ELOVL6: variants seen among roughly 807,000 people sequenced by gnomAD.
ELOVL6 encodes very long chain fatty acid elongase 6.
ELOVL6 carries 8 observed loss-of-function variants against 31.7 expected under a neutral mutation model. That is an observed-to-expected ratio of 0.25 (90% CI 0.15 to 0.45). The LOEUF (loss-of-function observed/expected upper bound fraction) is 0.45, where lower values mean the gene tolerates loss of function less well. Ranked by LOEUF, ELOVL6 falls within the 20% of genes least tolerant of loss-of-function variation. The probability of loss-of-function intolerance (pLI) is 1.00; values close to 1 mark genes in which losing one functional copy is unlikely to be tolerated. For synonymous variants in ELOVL6, 101 were observed against 117.7 expected, an observed-to-expected ratio of 0.86 and a Z score of 0.92; for missense variants, 126 against 326.4, an observed-to-expected ratio of 0.39 and a Z score of 4.73.
intron 2 of ELOVL6, among the ~76,000 whole-genome samples, chr4:110,084,556 A>ATATATT (rs1208053354): frequency 6.2e-4 from 42 of 67,438 alleles, no homozygotes; most frequent in East Asian, 1.1e-3. Flanking sequence ...ACACACACAC[A>ATATATT]CACACAGATA....
intron 1 of ELOVL6, among the ~76,000 whole-genome samples, chr4:110,174,169 T>A (rs1759033436): frequency 6.6e-6 from 1 of 150,872 alleles, no homozygotes; most frequent in Non-Finnish European, 1.5e-5. Flanking sequence ...ACAGTCTTTT[T>A]TTTTTTTTTT....
Position 110,049,532 on chromosome 4 carries a change from C to A in ELOVL6, c.*1806G>T, listed in dbSNP as rs558476235. The A allele has an allele frequency of 6.6e-6, 1 of 152,320 alleles. No homozygotes were observed. 9.4% of individuals were successfully genotyped at this position (152,320 alleles called of 1,614,324 possible). On this transcript the variant is annotated 3_prime_UTR_variant, in exon 4 of 4. Transcript: ENST00000302274. ...AAGCTAAAATAATATAAAAATAATT[C>A]GAAAAAATCCCTTTTACTGTACACT... is the stretch of plus-strand genomic sequence containing the variant.
rs537742853 is a variant in ELOVL6 at position 110,178,804 on chromosome 4, G to T, written c.89+19443C>A. ...GAAGACTGAGGCTGCAGCAGCCTCGGTGACAGAGAGAGACTCTGTCCTAAA... is the reference window on the plus strand; with the variant it reads ...GAAGACTGAGGCTGCAGCAGCCTCGTTGACAGAGAGAGACTCTGTCCTAAA... On this transcript the variant is annotated intron_variant, in intron 1 of 3. Transcript: ENST00000302274. 1.7e-3 allele frequency among the ~76,000 whole-genome samples: 259 copies of T among 152,142 alleles called. 2 individuals are homozygous for T. The highest frequency in any genetic ancestry group is 2.5e-3 in the Non-Finnish European group (173 of 68,022).
intron 2 of ELOVL6, among the ~76,000 whole-genome samples, chr4:110,094,224 G>A (rs1756500220): frequency 6.7e-6 from 1 of 148,400 alleles, no homozygotes; most frequent in South Asian, 2.1e-4. Context: ...ACTCCAGCCT[G>A]GGCAATAGAG....
chr4:110,113,534 C>G (rs1458609073), intron 1 of ELOVL6, among the ~76,000 whole-genome samples: 8 of 147,462 alleles, frequency 5.4e-5, no homozygotes, highest in African/African-American at 2.0e-4. Context: ...AGCATGATTG[C>G]CCCATGCACT....
chr4:110,063,547 G>A (rs1420503061), intron 2 of ELOVL6, among the ~76,000 whole-genome samples: 1 of 152,146 alleles, frequency 6.6e-6, no homozygotes, highest in South Asian at 2.1e-4. Flanking sequence ...GATGTGAAAT[G>A]AGCACTTTCC....
At position 110,084,193 on chromosome 4, in the gene ELOVL6, CTT is replaced by C. The variant is rs1491243340; in HGVS notation, c.221+21302_221+21303del. Among the ~76,000 whole-genome samples, 3 of 42,874 alleles carry C rather than the reference CTT, an allele frequency of 7.0e-5. 1 individual carries two copies. The highest frequency in any genetic ancestry group is 7.0e-4 in the Admixed American group (2 of 2,876). The allele number at this position is 42,874 out of a possible 152,430, so 28.1% of individuals were successfully genotyped here. On this transcript the variant is annotated intron_variant, in intron 2 of 3. Coordinates refer to ENST00000302274, the MANE Select transcript of ELOVL6 (RefSeq NM_024090.3). ...TATATATGATATATATAACATATAA[CTT>C]ATATGATATATATAACATATAACTT...
chr4:110,197,633 A>T (rs1410911767), intron 1 of ELOVL6, among the ~76,000 whole-genome samples: 1 of 151,860 alleles, frequency 6.6e-6, no homozygotes, highest in Non-Finnish European at 1.5e-5. Context: ...TCTCTATGAA[A>T]CCGGAAAGGG....
At chr4:110,114,789 A>G (rs1388858628) in intron 1 of ELOVL6, among the ~76,000 whole-genome samples, 5 of 152,230 alleles carry the variant, frequency 3.3e-5, no homozygotes, top group Admixed American at 1.3e-4. Context: ...ACAATTATTC[A>G]CAATGCATTG....
chr4:110,139,032 T>TTAAAAGTTCTTATCTTGC (rs1757881179), intron 1 of ELOVL6, among the ~76,000 whole-genome samples: 1 of 152,150 alleles, frequency 6.6e-6, no homozygotes, highest in Non-Finnish European at 1.5e-5. Flanking sequence ...TAAAGGGATA[T>TTAAAAGTTCTTATCTTGC]TAAAAGTTCT....
At chr4:110,184,166 T>C (rs1356563885) in intron 1 of ELOVL6, among the ~76,000 whole-genome samples, 4 of 152,126 alleles carry the variant, frequency 2.6e-5, no homozygotes, top group African/African-American at 9.7e-5. Flanking sequence ...GAGAGTAAAA[T>C]ATTTTTAAGG....
At chr4:110,132,060 C>T (rs144717703) in intron 1 of ELOVL6, among the ~76,000 whole-genome samples, 8 of 152,192 alleles carry the variant, frequency 5.3e-5, no homozygotes, top group African/African-American at 1.9e-4. Flanking sequence ...TCCTGGGCTA[C>T]AGGAGTCAGA....
Position 110,094,423 on chromosome 4 carries a change from ATATATATATATATATATATAAT to A in ELOVL6, c.221+11052_221+11073del, listed in dbSNP as rs1208761370. Among the ~76,000 whole-genome samples, 168 of 62,582 alleles carry A rather than the reference ATATATATATATATATATATAAT, an allele frequency of 2.7e-3. 7 individuals are homozygous for A. In the East Asian group the frequency reaches 0.037, roughly 14 times the overall value. The allele number at this position is 62,582 out of a possible 152,430, so 41.1% of individuals were successfully genotyped here. A position where few individuals can be genotyped will look rare whatever the true frequency, so the allele number is the denominator to read the frequency against. On this transcript the variant is annotated intron_variant, in intron 2 of 3. Transcript: ENST00000302274. ...AAAAGAAATATATATATATATATAT[ATATATATATATATATATATAAT>A]ATATATAACATAATATATATTACAT...
Position 110,084,449 on chromosome 4 carries a change from C to CATATATG in ELOVL6, c.221+21047_221+21048insCATATAT, listed in dbSNP as rs1181020099. On this transcript the variant is annotated intron_variant, in intron 2 of 3. Coordinates refer to ENST00000302274, the MANE Select transcript of ELOVL6 (RefSeq NM_024090.3). ...CACATATATCATATATGATATATCG[C>CATATATG]ATATATCATATATGATATATAACAA... 4.4e-4 allele frequency among the ~76,000 whole-genome samples: 51 copies of CATATATG among 117,188 alleles called. 2 individuals are homozygous for CATATATG. The South Asian group carries it at 7.4e-3, about 17-fold the overall frequency. The allele number at this position is 117,188 out of a possible 152,430, so 76.9% of individuals were successfully genotyped here.
At chr4:110,178,040 G>T (rs911112109) in intron 1 of ELOVL6, among the ~76,000 whole-genome samples, 1 of 152,106 alleles carries the variant, frequency 6.6e-6, no homozygotes, top group Non-Finnish European at 1.5e-5. Flanking sequence ...GTCTAAAAAT[G>T]ATTAAAAAAT....
At chr4:110,182,377 T>C (rs1003624449) in intron 1 of ELOVL6, among the ~76,000 whole-genome samples, 3 of 152,222 alleles carry the variant, frequency 2.0e-5, no homozygotes, top group Non-Finnish European at 4.4e-5. Context: ...TTCAATGTCC[T>C]CACAAACTGT....
At chr4:110,052,635 G>T (rs899496090) in intron 3 of ELOVL6, among the ~76,000 whole-genome samples, 2 of 152,142 alleles carry the variant, frequency 1.3e-5, no homozygotes. Context: ...TGCTGAGGTG[G>T]GTAGATGCTA....
chr4:110,125,103 A>T (rs975324513), intron 1 of ELOVL6, among the ~76,000 whole-genome samples: 1 of 152,322 alleles, frequency 6.6e-6, no homozygotes, highest in African/African-American at 2.4e-5. Context: ...AAACTAAAAT[A>T]AAAAGTCATT....
intron 1 of ELOVL6, among the ~76,000 whole-genome samples, chr4:110,117,078 G>A (rs1447070467): frequency 3.3e-5 from 5 of 152,174 alleles, no homozygotes; most frequent in African/African-American, 1.2e-4. Flanking sequence ...AGAGGGTGAT[G>A]ATTTTGCCCT....
Sources: allele counts gnomAD v4.1 joint callset (sites outside exome capture counted in the v4.1 genomes callset), GRCh38; gene constraint gnomAD v4.1.1; transcripts MANE v1.5; gene names NCBI Gene and HGNC (gene_info 2026-07-23, HGNC 2026-07-21).